The following TLL1 variants were observed in gnomAD, a reference collection of about 807,000 sequenced individuals.
TLL1 encodes the protein tolloid-like protein 1.
In TLL1, 49 loss-of-function variants were observed where a neutral mutation model predicts 128.2. That is an observed-to-expected ratio of 0.38 (90% confidence interval 0.30 to 0.48). The LOEUF is 0.48. TLL1 is among the 20% of genes least tolerant of loss of function. TLL1 has a pLI of 0.96. For synonymous variants in TLL1, 454 were observed against 418.8 expected, an observed-to-expected ratio of 1.08 and a Z score of -1.03; for missense variants, 1,123 against 1,242.0, an observed-to-expected ratio of 0.90 and a Z score of 1.44.
At chr4:165,998,598 C>G (rs1423600318) in intron 5 of TLL1, among the ~76,000 whole-genome samples, 1 of 151,880 alleles carries the variant, frequency 6.6e-6, no homozygotes, top group Non-Finnish European at 1.5e-5. Flanking sequence ...TCAAGACCAT[C>G]CTGGCTAACA....
chr4:165,996,107 T>A (rs1347985012), intron 5 of TLL1, among the ~76,000 whole-genome samples: 1 of 152,158 alleles, frequency 6.6e-6, no homozygotes, highest in Non-Finnish European at 1.5e-5. Context: ...TCAGTGGAAA[T>A]CTTTCACATC....
chr4:165,955,583 A>T (rs756113123), intron 1 of TLL1, among the ~76,000 whole-genome samples: 1 of 152,182 alleles, frequency 6.6e-6, no homozygotes, highest in African/African-American at 2.4e-5. Flanking sequence ...CATAAGGCTA[A>T]CAGCAGACTT....
intron 1 of TLL1, among the ~76,000 whole-genome samples, chr4:165,949,593 C>T (rs1299581884): frequency 1.3e-5 from 2 of 152,204 alleles, no homozygotes; most frequent in Admixed American, 6.5e-5. Context: ...GATTGTTCCA[C>T]GTGGCTGGGG....
At chr4:166,037,824 A>C (rs1351591192) in intron 9 of TLL1, among the ~76,000 whole-genome samples, 3 of 152,080 alleles carry the variant, frequency 2.0e-5, no homozygotes, top group Admixed American at 1.3e-4. Flanking sequence ...AAAAAAAAAA[A>C]AACTTATTCC....
chr4:166,000,656 T>G (rs1737106470), intron 5 of TLL1, among the ~76,000 whole-genome samples: 1 of 152,220 alleles, frequency 6.6e-6, no homozygotes, highest in South Asian at 2.1e-4. Context: ...TGCTTCAGTT[T>G]CCTTACTATT....
chr4:165,995,935 G>A (rs573951463), intron 5 of TLL1, among the ~76,000 whole-genome samples: 1 of 151,808 alleles, frequency 6.6e-6, no homozygotes, highest in Admixed American at 6.6e-5. Flanking sequence ...CCTAATATCT[G>A]TTTTCAATAA....
intron 19 of TLL1, among the ~76,000 whole-genome samples, chr4:166,093,027 T>C (rs551879950): frequency 6.6e-6 from 1 of 152,280 alleles, no homozygotes; most frequent in East Asian, 1.9e-4. Flanking sequence ...TAACATTCCA[T>C]TGAGATGATC....
intron 19 of TLL1, among the ~76,000 whole-genome samples, chr4:166,093,527 C>T (rs574573746): frequency 2.0e-5 from 3 of 152,232 alleles, no homozygotes; most frequent in South Asian, 4.1e-4. Context: ...AATGTACAAT[C>T]GGGTTTTATA....
At chr4:166,044,016 C>T (rs1369608654) in intron 12 of TLL1, among the ~76,000 whole-genome samples, 3 of 151,990 alleles carry the variant, frequency 2.0e-5, no homozygotes, top group Non-Finnish European at 4.4e-5. Context: ...AACACGCTGG[C>T]CCGTGAGTCA....
At chr4:166,032,640 A>G (rs1738822750) in intron 9 of TLL1, among the ~76,000 whole-genome samples, 1 of 152,184 alleles carries the variant, frequency 6.6e-6, no homozygotes, top group African/African-American at 2.4e-5. Flanking sequence ...ATGTGAAAAA[A>G]TTAAACAAGT....
intron 1 of TLL1, among the ~76,000 whole-genome samples, chr4:165,988,166 T>C (rs921542860): frequency 6.6e-6 from 1 of 152,136 alleles, no homozygotes; most frequent in Non-Finnish European, 1.5e-5. Flanking sequence ...TGTATTCAAA[T>C]AAGCAGGGAG....
At chr4:166,099,141 T>G (rs1742162069) in intron 19 of TLL1, 136 bp from the exon 20 acceptor site, 2 of 1,392,372 alleles carry the variant, frequency 1.4e-6, no homozygotes, top group Non-Finnish European at 2.0e-6. Flanking sequence ...TCTCCAGTTG[T>G]GGAAAACATA....
At chr4:166,055,750 C>G (rs1193110719) in intron 13 of TLL1, among the ~76,000 whole-genome samples, 8 of 152,030 alleles carry the variant, frequency 5.3e-5, no homozygotes, top group Non-Finnish European at 1.2e-4. Context: ...CTCTGATCAG[C>G]TTTGATTTTG....
At chr4:166,054,022 T>C (rs964913402) in intron 12 of TLL1, among the ~76,000 whole-genome samples, 8 of 152,142 alleles carry the variant, frequency 5.3e-5, no homozygotes, top group Non-Finnish European at 1.0e-4. Context: ...GGCTGAAACA[T>C]GGGTCCATGA....
chr4:166,090,945 CATT>C (rs1397933818), intron 18 of TLL1, among the ~76,000 whole-genome samples, 180 bp from the exon 19 acceptor site: 1 of 149,084 alleles, frequency 6.7e-6, no homozygotes, highest in Non-Finnish European at 1.5e-5. Flanking sequence ...TTGTTTTCCT[CATT>C]GTGTCTTTTT....
At chr4:165,955,559 T>C (rs373756369) in intron 1 of TLL1, among the ~76,000 whole-genome samples, 15 of 152,084 alleles carry the variant, frequency 9.9e-5, no homozygotes, top group African/African-American at 3.4e-4. Flanking sequence ...GCAGGCCATT[T>C]ACAAAGGGAA....
chr4:165,962,050 G>T (rs570008821), intron 1 of TLL1, among the ~76,000 whole-genome samples: 7 of 152,094 alleles, frequency 4.6e-5, no homozygotes, highest in East Asian at 1.9e-4. Flanking sequence ...AAAAAAAATT[G>T]CAATAGAAAC....
chr4:166,048,410 A>G (rs984045044), intron 12 of TLL1, among the ~76,000 whole-genome samples: 3 of 152,146 alleles, frequency 2.0e-5, no homozygotes, highest in Non-Finnish European at 4.4e-5. Flanking sequence ...AAACCACCCT[A>G]TCTATGATAT....
At chr4:165,955,464 A>T (rs7682439) in intron 1 of TLL1, among the ~76,000 whole-genome samples, 10,019 of 152,046 alleles carry the variant, frequency 0.066, 1,073 homozygotes, top group African/African-American at 0.23. Context: ...ATTGCATAAA[A>T]TGATTCATTT....
Sources: gnomAD v4.1 joint callset for allele counts (sites outside exome capture counted in the v4.1 genomes callset) on GRCh38, gnomAD v4.1.1 for gene constraint, MANE v1.5 for transcripts, NCBI Gene and HGNC (gene_info 2026-07-23, HGNC 2026-07-21) for gene names.